Variants in SAMD8 observed in about 807,000 individuals in gnomAD.
SAMD8 encodes sphingomyelin synthase-related protein 1.
In SAMD8, 20 loss-of-function variants were observed where a neutral mutation model predicts 42.0. That is an observed-to-expected ratio of 0.48 (90% confidence interval 0.34 to 0.69). The LOEUF is 0.69. Among genes scored for constraint, SAMD8 ranks in the 30% least tolerant of loss-of-function variants. The pLI is 0.01. For synonymous variants in SAMD8, 162 were observed against 173.0 expected, an observed-to-expected ratio of 0.94 and a Z score of 0.50; for missense variants, 328 against 511.6, an observed-to-expected ratio of 0.64 and a Z score of 3.46.
At chr10:75,110,447 G>A (rs1210493581), upstream of SAMD8, among the ~76,000 whole-genome samples, 1 of 152,192 alleles carries the variant, frequency 6.6e-6, no homozygotes, top group Non-Finnish European at 1.5e-5. Flanking sequence ...AGCTGCAGTG[G>A]GGAGGTTCCC....
chr10:75,175,947 G>A (rs1840981661), intron 4 of SAMD8, 119 bp from the exon 5 acceptor site: 1 of 1,505,090 alleles, frequency 6.6e-7, no homozygotes, highest in Non-Finnish European at 8.8e-7. Flanking sequence ...AGGCCTAGAT[G>A]CTTTGGCTTA....
chr10:75,126,263 A>G (rs1257991534), intron 1 of SAMD8, among the ~76,000 whole-genome samples: 2 of 152,160 alleles, frequency 1.3e-5, no homozygotes, highest in Non-Finnish European at 2.9e-5. Flanking sequence ...CAACTCCTTT[A>G]ACTTTCCAAT....
chr10:75,124,711 A>C (rs1450586702), intron 1 of SAMD8, among the ~76,000 whole-genome samples: 1 of 151,826 alleles, frequency 6.6e-6, no homozygotes, highest in Non-Finnish European at 1.5e-5. Context: ...TACTTTTTAG[A>C]AGCTGTTTCC....
Position 75,176,430 on chromosome 10 carries a change from T to G in SAMD8, c.986T>G (p.Val329Gly). The G allele has an allele frequency of 6.4e-7, 1 of 1,551,538 alleles. No individual in the cohort carries two copies. The highest frequency in any genetic ancestry group is 2.4e-5 in the East Asian group (1 of 40,966). ...AATTTCTTGCACACTTTATCCTGGG[T>G]TCTCAACCTCTTTGGAATCTTCTTC... Reference protein sequence around the residue: ...SWNFLHTLSWVLNLFGIFFIL... With the variant: ...SWNFLHTLSWGLNLFGIFFIL... The change falls in exon 6 of 6, where the codon GTT becomes GGT. Residue 329 changes from valine (V) to glycine (G), a missense_variant. Val to Gly is a moderately radical substitution (Grantham distance 109, BLOSUM62 -3). This residue lies in a region of SAMD8 where 178 missense variants were observed against 325.6 expected (regional missense o/e 0.55). Coordinates refer to ENST00000542569, the MANE Select transcript of SAMD8 (RefSeq NM_001174156.2). The surrounding 1 kb of genome is among the most constrained non-coding windows in gnomAD (Gnocchi z 4.3).
rs577858856 is a variant in SAMD8, at chr10:75,101,971, G to T, written c.-16+2243G>T. ...ACACTTGATGCTGTTTCTATTTTTT[G>T]ATTTGAGTTTAATTATAAAGCATGC... On this transcript the variant is annotated intron_variant, in intron 1 of 3. Transcript: ENST00000447533. 1.8e-5 allele frequency: 24 copies of T among 1,366,790 alleles called. No individual in the cohort carries two copies. In the African/African-American group the frequency reaches 2.1e-4, roughly 12 times the overall value. The allele number at this position is 1,366,790 out of a possible 1,614,324, so 84.7% of individuals were successfully genotyped here.
intron 1 of SAMD8, among the ~76,000 whole-genome samples, chr10:75,103,440 C>A (rs1848303889): frequency 6.6e-6 from 1 of 152,174 alleles, no homozygotes; most frequent in Non-Finnish European, 1.5e-5. Flanking sequence ...CCAAGCTCCT[C>A]CCCCAACCCA....
At chr10:75,163,692 C>T (rs534405509) in intron 2 of SAMD8, among the ~76,000 whole-genome samples, 1 of 152,112 alleles carries the variant, frequency 6.6e-6, no homozygotes, top group South Asian at 2.1e-4. Context: ...AAGTAGTTGG[C>T]CCACCTCAGC....
At chr10:75,164,501 A>T in intron 2 of SAMD8, 144 bp from the exon 3 acceptor site, 4 of 1,393,642 alleles carry the variant, frequency 2.9e-6, no homozygotes, top group Non-Finnish European at 3.7e-6. Context: ...TTTTTCTCCC[A>T]GTTTCTCCAA....
intron 4 of SAMD8, among the ~76,000 whole-genome samples, chr10:75,169,552 A>G (rs1443972187): frequency 2.0e-5 from 3 of 151,956 alleles, no homozygotes; most frequent in Admixed American, 2.0e-4. Flanking sequence ...CTTTCCCACC[A>G]TCCTTAGCAT....
chr10:75,163,753 C>A (rs1293850806), intron 2 of SAMD8, among the ~76,000 whole-genome samples: 1 of 152,068 alleles, frequency 6.6e-6, no homozygotes, highest in Non-Finnish European at 1.5e-5. Flanking sequence ...CAGCCTCTTT[C>A]TTTCTTTTTC....
chr10:75,134,020 G>A (rs1398631335), intron 1 of SAMD8, among the ~76,000 whole-genome samples: 1 of 152,124 alleles, frequency 6.6e-6, no homozygotes, highest in East Asian at 1.9e-4. Context: ...GAATAGTGCT[G>A]CAGTGAACAT....
rs1239460593 is a variant in SAMD8, at chr10:75,126,667, A to AT, written c.-16+14959dup. ...TAGGCACGTGCCACCACGCTGGCTAATTTTTTTTTTTTTTGTAGGGATGAG... is the reference window on the plus strand; with the variant it reads ...TAGGCACGTGCCACCACGCTGGCTAATTTTTTTTTTTTTTTGTAGGGATGAG... On this transcript the variant is annotated intron_variant, in intron 1 of 5. Coordinates refer to ENST00000542569, the MANE Select transcript of SAMD8 (RefSeq NM_001174156.2). Among the ~76,000 whole-genome samples the AT allele has an allele frequency of 1.8e-3, 252 of 143,426 alleles. 1 individual carries two copies. The highest frequency in any genetic ancestry group is 5.7e-3 in the South Asian group (26 of 4,532). The allele number at this position is 143,426 out of a possible 152,430, so 94.1% of individuals were successfully genotyped here. A position where few individuals can be genotyped will look rare whatever the true frequency, so the allele number is the denominator to read the frequency against.
intron 1 of SAMD8, chr10:75,103,881 A>T (rs1848329321): frequency 7.7e-7 from 1 of 1,299,550 alleles, no homozygotes; most frequent in Non-Finnish European, 1.0e-6. Context: ...CTGAGAGGGG[A>T]GCCCACTCCC....
rs1686739227 is a variant in SAMD8, at chr10:75,181,567, A to G, written c.*4875A>G. On this transcript the variant is annotated 3_prime_UTR_variant, in exon 6 of 6. Transcript: ENST00000542569. ...GTTTTTATAATACATTCTACCCTAAATTAACCAAAGGACTTTTTATTCAGT... is the reference window on the plus strand; with the variant it reads ...GTTTTTATAATACATTCTACCCTAAGTTAACCAAAGGACTTTTTATTCAGT... 1 of 152,208 alleles carries G rather than the reference A, an allele frequency of 6.6e-6. No homozygotes were observed. Among genetic ancestry groups the G allele is most frequent in the South Asian group, 2.1e-4 (1 of 4,832 alleles). 9.4% of individuals were successfully genotyped at this position (152,208 alleles called of 1,614,324 possible).
rs1841078136 is a variant in SAMD8, at chr10:75,181,340, G to C, written c.*4648G>C. 6.6e-6 allele frequency: 1 copy of C among 152,204 alleles called. No homozygotes were observed. The highest frequency in any genetic ancestry group is 2.1e-4 in the South Asian group (1 of 4,830). The allele number at this position is 152,204 out of a possible 1,614,324, so 9.4% of individuals were successfully genotyped here. On this transcript the variant is annotated 3_prime_UTR_variant, in exon 6 of 6. Coordinates refer to ENST00000542569, the MANE Select transcript of SAMD8 (RefSeq NM_001174156.2). ...TGACTAATAAGAATGGAAAGAGACT[G>C]AGTAGGTTTTTTGTTTCTTTTCCCT... is the stretch of plus-strand genomic sequence containing the variant.
At chr10:75,149,009 T>C (rs879224640) in intron 1 of SAMD8, among the ~76,000 whole-genome samples, 2 of 152,228 alleles carry the variant, frequency 1.3e-5, no homozygotes, top group African/African-American at 4.8e-5. Context: ...TTTCTTTTTT[T>C]CAAGCTGGGT....
chr10:75,154,857 A>C (rs1165283582), intron 2 of SAMD8, among the ~76,000 whole-genome samples: 3 of 152,162 alleles, frequency 2.0e-5, no homozygotes, highest in Admixed American at 1.3e-4. Context: ...TTGATGAATT[A>C]AGAGAGAGAA....
chr10:75,124,639 C>T (rs1438157728), intron 1 of SAMD8, among the ~76,000 whole-genome samples: 9 of 149,792 alleles, frequency 6.0e-5, no homozygotes, highest in African/African-American at 2.2e-4. Context: ...AGGTACCTGT[C>T]AGAAAAATCT....
chr10:75,114,194 T>C (rs4746264), intron 1 of SAMD8, among the ~76,000 whole-genome samples: 84,581 of 151,734 alleles, frequency 0.56, 25,488 homozygotes, highest in East Asian at 0.9. Flanking sequence ...AAAGAATTAA[T>C]CAGGTGTGGT....
Sources: allele counts gnomAD v4.1 joint callset (sites outside exome capture counted in the v4.1 genomes callset), GRCh38; gene constraint gnomAD v4.1.1; regional missense constraint gnomAD v4.1.1; non-coding constraint Gnocchi (gnomAD v3.1); transcripts MANE v1.5; gene names NCBI Gene and HGNC (gene_info 2026-07-23, HGNC 2026-07-21).